ROBO2: variants seen among roughly 807,000 people sequenced by gnomAD.
The protein encoded by ROBO2 is roundabout homolog 2.
Under a neutral mutation model 160.8 loss-of-function variants are expected in ROBO2, and 53 were observed. The observed-to-expected ratio is 0.33, with a 90% confidence interval of 0.26 to 0.41. ROBO2 has a LOEUF of 0.41. Ranked by LOEUF, ROBO2 falls within the 10% of genes least tolerant of loss-of-function variation. The pLI is 1.00. For synonymous variants in ROBO2, 664 were observed against 611.7 expected (o/e 1.09, Z -1.26); for missense variants, 1,577 against 1,722.4 (o/e 0.92, Z 1.49).
intron 2 of ROBO2, among the ~76,000 whole-genome samples, chr3:76,762,151 G>C (rs1326449961): frequency 6.6e-6 from 1 of 151,334 alleles, no homozygotes; most frequent in African/African-American, 2.4e-5. Flanking sequence ...GATTTTTTAA[G>C]CATTTAGACA....
At chr3:77,535,030 G>T (rs1414115867) in intron 6 of ROBO2, among the ~76,000 whole-genome samples, 3 of 152,256 alleles carry the variant, frequency 2.0e-5, no homozygotes, top group Non-Finnish European at 4.4e-5. Flanking sequence ...TCCCCATTCT[G>T]CTGGTAGCAG....
intron 2 of ROBO2, among the ~76,000 whole-genome samples, chr3:76,402,370 G>C (rs1287745796): frequency 6.6e-6 from 1 of 151,492 alleles, no homozygotes; most frequent in Non-Finnish European, 1.5e-5. Context: ...TGTGCATTCA[G>C]GTGGGGCAGC....
chr3:76,050,707 T>C (rs1302175542), intron 2 of ROBO2, among the ~76,000 whole-genome samples: 1 of 152,192 alleles, frequency 6.6e-6, no homozygotes, highest in Non-Finnish European at 1.5e-5. Flanking sequence ...TCTCTCTCCA[T>C]ACCTGATGGC....
chr3:76,986,827 C>A (rs1488160505), intron 2 of ROBO2, among the ~76,000 whole-genome samples: 1 of 152,078 alleles, frequency 6.6e-6, no homozygotes. Context: ...TAACCTTCAT[C>A]TTTAATTGAT....
At chr3:76,773,868 G>A (rs1318348503) in intron 2 of ROBO2, among the ~76,000 whole-genome samples, 2 of 150,820 alleles carry the variant, frequency 1.3e-5, no homozygotes, top group Non-Finnish European at 3.0e-5. Context: ...CTCTAAAAAA[G>A]TCAGAGGTGG....
chr3:75,947,758 T>G (rs1251628255), intron 2 of ROBO2, among the ~76,000 whole-genome samples: 1 of 152,126 alleles, frequency 6.6e-6, no homozygotes, highest in Non-Finnish European at 1.5e-5. Context: ...AGGAGCTATC[T>G]TCATCAGACC....
At chr3:77,024,797 A>G (rs1443860797) in intron 2 of ROBO2, among the ~76,000 whole-genome samples, 6 of 152,186 alleles carry the variant, frequency 3.9e-5, no homozygotes, top group Non-Finnish European at 5.9e-5. Context: ...AATGTTAACT[A>G]TTGTTCCAAA....
chr3:77,314,803 A>G (rs566708782), intron 2 of ROBO2, among the ~76,000 whole-genome samples: 2 of 152,324 alleles, frequency 1.3e-5, no homozygotes, highest in Admixed American at 6.5e-5. Flanking sequence ...GTTTCATTCA[A>G]TTCATCATAG....
chr3:77,490,264 T>G (rs2153598368), intron 4 of ROBO2, among the ~76,000 whole-genome samples: 1 of 151,894 alleles, frequency 6.6e-6, no homozygotes, highest in South Asian at 2.1e-4. Flanking sequence ...CCGCCCCAGC[T>G]AATTTTTAGT....
intron 2 of ROBO2, among the ~76,000 whole-genome samples, chr3:76,750,288 G>A (rs1271471255): frequency 6.6e-6 from 1 of 151,962 alleles, no homozygotes. Flanking sequence ...GTATTGATGG[G>A]ACGTATCTCA....
exon 12 of ROBO2, chr3:77,565,000 A>T: frequency 6.2e-7 from 1 of 1,613,616 alleles, no homozygotes; most frequent in South Asian, 1.1e-5. Flanking sequence ...CCATGTAAAG[A>T]CCACCCTCTA....
intron 2 of ROBO2, among the ~76,000 whole-genome samples, chr3:76,517,315 T>C (rs116035378): frequency 0.02 from 2,988 of 152,142 alleles, 31 homozygotes; most frequent in South Asian, 0.047. Flanking sequence ...TTAATATAAC[T>C]AAAAGGAAAA....
At chr3:76,483,997 G>A (rs1263829302) in intron 2 of ROBO2, among the ~76,000 whole-genome samples, 1 of 152,096 alleles carries the variant, frequency 6.6e-6, no homozygotes, top group Non-Finnish European at 1.5e-5. Context: ...ACACGTCTTT[G>A]CTATTGTGAA....
chr3:76,143,058 G>A (rs2071743943), intron 2 of ROBO2, among the ~76,000 whole-genome samples: 1 of 151,610 alleles, frequency 6.6e-6, no homozygotes, highest in Admixed American at 6.6e-5. Flanking sequence ...GGAACTTCTT[G>A]CCCTGTCACC....
intron 2 of ROBO2, among the ~76,000 whole-genome samples, chr3:77,379,371 T>A (rs901855857): frequency 1.3e-5 from 2 of 152,200 alleles, no homozygotes; most frequent in African/African-American, 4.8e-5. Context: ...TGTTACATGC[T>A]ATCTGACTCC....
intron 2 of ROBO2, among the ~76,000 whole-genome samples, chr3:77,457,806 T>C (rs2081834585): frequency 1.3e-5 from 2 of 152,014 alleles, no homozygotes; most frequent in Admixed American, 1.3e-4. Flanking sequence ...GTCAAAATAG[T>C]ATTTGTTAAA....
chr3:77,479,061 G>A (rs1047175528), intron 3 of ROBO2, among the ~76,000 whole-genome samples: 1 of 152,148 alleles, frequency 6.6e-6, no homozygotes, highest in Non-Finnish European at 1.5e-5. Context: ...TAGGATAGAG[G>A]GAAGTGGGAA....
chr3:77,562,503 G>T, intron 9 of ROBO2, 148 bp from the exon 11 acceptor site: 4 of 587,640 alleles, frequency 6.8e-6, no homozygotes, highest in Non-Finnish European at 1.2e-5. Flanking sequence ...ATTATTTTAT[G>T]TATACATATG....
chr3:77,132,707 T>G (rs2075960782), intron 2 of ROBO2, among the ~76,000 whole-genome samples: 1 of 152,094 alleles, frequency 6.6e-6, no homozygotes, highest in South Asian at 2.1e-4. Context: ...ATTTTTTTTT[T>G]TTTAAGTACA....
Sources: gnomAD v4.1 joint callset for allele counts (sites outside exome capture counted in the v4.1 genomes callset) on GRCh38, gnomAD v4.1.1 for gene constraint, MANE v1.5 for transcripts, NCBI Gene and HGNC (gene_info 2026-07-23, HGNC 2026-07-21) for gene names.